Variants in LAMA3 observed in about 807,000 individuals in gnomAD.
LAMA3 encodes the protein laminin subunit alpha 3, also known as laminin subunit alpha-3.
A neutral mutation model predicts 402.0 loss-of-function variants in LAMA3; 281 were observed. The observed-to-expected ratio is 0.70, with a 90% CI of 0.63 to 0.77. The LOEUF (loss-of-function observed/expected upper bound fraction) is 0.77, where lower values mean the gene tolerates loss of function less well. Ranked by LOEUF, LAMA3 falls within the 30% of genes least tolerant of loss-of-function variation. The pLI is 0.00. For missense variants in LAMA3, 3,840 were observed against 4,215.5 expected, an observed-to-expected ratio of 0.91 and a Z score of 2.47; for synonymous variants, 1,431 against 1,558.4, an observed-to-expected ratio of 0.92 and a Z score of 1.93.
chr18:23,936,494 C>T (rs1293723811), intron 67 of LAMA3, among the ~76,000 whole-genome samples: 2 of 151,302 alleles, frequency 1.3e-5, no homozygotes, highest in African/African-American at 2.4e-5. Context: ...CTCCCAGGCA[C>T]TCAGAGCTCA....
chr18:23,887,355 G>A (rs1242102221), intron 41 of LAMA3, among the ~76,000 whole-genome samples: 1 of 152,064 alleles, frequency 6.6e-6, no homozygotes, highest in Non-Finnish European at 1.5e-5. Flanking sequence ...AAGCCACAGG[G>A]GACCAACACC....
intron 6 of LAMA3, among the ~76,000 whole-genome samples, chr18:23,756,654 T>G (rs1057144365): frequency 6.6e-6 from 1 of 152,124 alleles, no homozygotes; most frequent in African/African-American, 2.4e-5. Context: ...GCAAGTTCCA[T>G]CTACCGCAGT....
chr18:23,758,153 G>A (rs1342531419), intron 6 of LAMA3, among the ~76,000 whole-genome samples: 1 of 152,218 alleles, frequency 6.6e-6, no homozygotes, highest in Non-Finnish European at 1.5e-5. Flanking sequence ...ATCACTGCCT[G>A]ACCCTTGGCA....
At chr18:23,849,026 G>A (rs1347686086) in intron 32 of LAMA3, among the ~76,000 whole-genome samples, 2 of 152,118 alleles carry the variant, frequency 1.3e-5, no homozygotes, top group Non-Finnish European at 2.9e-5. Context: ...TTCTTATAAG[G>A]ACACCAGTCA....
intron 2 of LAMA3, among the ~76,000 whole-genome samples, chr18:23,717,105 G>A (rs987099205): frequency 5.9e-5 from 9 of 152,206 alleles, no homozygotes; most frequent in African/African-American, 2.2e-4. Context: ...AGCATGATCA[G>A]TTATGTCAGA....
chr18:23,931,362 T>C lies in LAMA3; in HGVS notation c.8576+161T>C, dbSNP rs887908119. 12 of 667,514 alleles carry C rather than the reference T, an allele frequency of 1.8e-5. No homozygotes were observed. The African/African-American group carries it at 2.2e-4, about 12-fold the overall frequency. 41.3% of individuals were successfully genotyped at this position (667,514 alleles called of 1,614,324 possible). ...TCCTTTTTCCATATCAATTTCTTCA[T>C]AAAAAAATAAACTGCCACACATGGT... On this transcript the variant is annotated intron_variant, in intron 65 of 74. Coordinates refer to ENST00000313654, the MANE Select transcript of LAMA3 (RefSeq NM_198129.4).
At chr18:23,871,683 A>G in intron 38 of LAMA3, 22 bp downstream of exon 38, 2 of 1,566,470 alleles carry the variant, frequency 1.3e-6, no homozygotes, top group South Asian at 2.3e-5. Context: ...TCCCATCCGC[A>G]ACATTTCCCT....
At chr18:23,710,106 G>C (rs1238488844) in intron 1 of LAMA3, 1 of 718,652 alleles carries the variant, frequency 1.4e-6, no homozygotes, top group South Asian at 1.4e-5. Context: ...GCGCTCTGCC[G>C]AGGATATTTG....
intron 39 of LAMA3, among the ~76,000 whole-genome samples, chr18:23,877,402 T>C (rs891656706): frequency 1.3e-5 from 2 of 152,212 alleles, no homozygotes; most frequent in African/African-American, 2.4e-5. Context: ...GAGTTCTTCT[T>C]GGTAACCAGG....
At position 23,907,996 on chromosome 18, in the gene LAMA3, TC is replaced by T. The variant is rs1375195037; in HGVS notation, c.7015+63del. On this transcript the variant is annotated intron_variant, in intron 54 of 74. Coordinates refer to ENST00000313654, the MANE Select transcript of LAMA3 (RefSeq NM_198129.4). The stretch of plus-strand genomic sequence containing the variant: ...TTCTCTCCATTGTTATGTGTTTTGG[TC>T]CATTTCCATTCTTCCCTGGTAAAGT... 7.9e-6 allele frequency: 12 copies of T among 1,518,558 alleles called. No homozygotes were observed. The African/African-American group carries it at 1.5e-4, about 19-fold the overall frequency. 94.1% of individuals were successfully genotyped at this position (1,518,558 alleles called of 1,614,324 possible).
chr18:23,890,967 G>C (rs960765725), intron 42 of LAMA3, among the ~76,000 whole-genome samples: 2 of 152,214 alleles, frequency 1.3e-5, no homozygotes, highest in Non-Finnish European at 2.9e-5. Context: ...GAACAGTAAA[G>C]GGACCAAGGG....
chr18:23,809,925 G>T (rs904279166), intron 12 of LAMA3, among the ~76,000 whole-genome samples: 21 of 152,090 alleles, frequency 1.4e-4, no homozygotes, highest in African/African-American at 4.8e-4. Context: ...TGGCCCTCCA[G>T]TGAGTCACAT....
At chr18:23,930,872 G>A (rs1228395624) in intron 64 of LAMA3, among the ~76,000 whole-genome samples, 190 bp from the exon 65 acceptor site, 1 of 152,118 alleles carries the variant, frequency 6.6e-6, no homozygotes, top group Non-Finnish European at 1.5e-5. Flanking sequence ...ATTTGCATAA[G>A]ATTTTTATAT....
chr18:23,796,349 A>G (rs568384545), intron 12 of LAMA3, among the ~76,000 whole-genome samples: 15 of 152,270 alleles, frequency 9.9e-5, no homozygotes, highest in African/African-American at 3.6e-4. Flanking sequence ...CCCCATATCC[A>G]CAGAACTAGA....
chr18:23,888,755 A>C (rs1040633802), intron 41 of LAMA3, among the ~76,000 whole-genome samples: 2 of 152,120 alleles, frequency 1.3e-5, no homozygotes, highest in Non-Finnish European at 2.9e-5. Flanking sequence ...GCAGTGCTTA[A>C]ATTTGGGGAA....
intron 2 of LAMA3, among the ~76,000 whole-genome samples, chr18:23,737,713 A>G (rs1411593206): frequency 6.6e-6 from 1 of 152,218 alleles, no homozygotes; most frequent in African/African-American, 2.4e-5. Context: ...CCTGGCCCAC[A>G]GCAGCATTGG....
chr18:23,807,255 T>C (rs1368310659), intron 12 of LAMA3, among the ~76,000 whole-genome samples: 4 of 152,116 alleles, frequency 2.6e-5, no homozygotes, highest in Non-Finnish European at 5.9e-5. Flanking sequence ...TGTGGGACAG[T>C]CACTTGAGGC....
At chr18:23,806,071 A>G (rs1404396663) in intron 12 of LAMA3, among the ~76,000 whole-genome samples, 1 of 152,252 alleles carries the variant, frequency 6.6e-6, no homozygotes, top group African/African-American at 2.4e-5. Flanking sequence ...CAGGAACACC[A>G]TGATCAACTA....
In LAMA3 at chr18:23,933,919, C is replaced by A; in HGVS notation, c.8846C>A (p.Thr2949Asn). ...TCTACCAGGTTTAACAAGACCAAGA[C>A]TTTTCGTATCAACCAGGTAAGTGTC... is the stretch of plus-strand genomic sequence containing the variant. ...KGSTRFNKTK[T>N]FRINQLLQDT... is the part of the protein sequence containing the mutation. Residue 2949 changes from threonine to asparagine, a missense_variant, in exon 67 of 75, where the codon ACT (threonine) becomes AAT (asparagine). Physicochemically the swap from Thr to Asn is moderately conservative, Grantham distance 65. Coordinates refer to ENST00000313654, the MANE Select transcript of LAMA3 (RefSeq NM_198129.4). The A allele has an allele frequency of 6.2e-7, 1 of 1,614,124 alleles. No individual in the cohort carries two copies. Among genetic ancestry groups the A allele is most frequent in the Non-Finnish European group, 8.5e-7 (1 of 1,179,994 alleles).
Sources: allele counts gnomAD v4.1 joint callset (sites outside exome capture counted in the v4.1 genomes callset), GRCh38; gene constraint gnomAD v4.1.1; transcripts MANE v1.5; gene names NCBI Gene and HGNC (gene_info 2026-07-23, HGNC 2026-07-21).